RAD51: variants seen among roughly 807,000 people sequenced by gnomAD.
RAD51 encodes DNA repair protein RAD51 homolog 1.
In RAD51, 14 loss-of-function variants were observed where a neutral mutation model predicts 41.5. The ratio of observed to expected loss-of-function variants is 0.34; its 90% CI spans 0.22 to 0.53. The LOEUF (loss-of-function observed/expected upper bound fraction) is 0.53, where lower values mean the gene tolerates loss of function less well. Ranked by LOEUF, RAD51 falls within the 20% of genes least tolerant of loss-of-function variation. The pLI, the probability that RAD51 is intolerant of heterozygous loss-of-function variation, is 0.95. For synonymous variants in RAD51, 136 were observed against 148.6 expected, an observed-to-expected ratio of 0.92 and a Z score of 0.62; for missense variants, 234 against 422.0, an observed-to-expected ratio of 0.55 and a Z score of 3.90.
chr15:40,730,072 CT>C, intron 9 of RAD51, 98 bp downstream of exon 9: 10 of 1,489,764 alleles, frequency 6.7e-6, no homozygotes, highest in Non-Finnish European at 9.2e-6. Flanking sequence ...GTTAAAGCTA[CT>C]GTTGTATAGA....
intron 5 of RAD51, among the ~76,000 whole-genome samples, chr15:40,714,895 C>T (rs1895909207): frequency 6.6e-6 from 1 of 152,146 alleles, no homozygotes; most frequent in East Asian, 1.9e-4. Flanking sequence ...AATTCTGGGC[C>T]GGGTATGGTG....
chr15:40,713,994 C>CTTT (rs749995356), intron 5 of RAD51, among the ~76,000 whole-genome samples: 7 of 114,936 alleles, frequency 6.1e-5, no homozygotes, highest in East Asian at 2.8e-4. Flanking sequence ...GAAATAAATT[C>CTTT]TTTTTTTTTT....
At chr15:40,729,468 C>A in intron 7 of RAD51, 37 bp from the exon 8 acceptor site, 1 of 1,604,262 alleles carries the variant, frequency 6.2e-7, no homozygotes, top group Non-Finnish European at 8.5e-7. Context: ...CTGACACAGG[C>A]TAGAAATAGG....
intron 6 of RAD51, 78 bp from the exon 7 acceptor site, chr15:40,728,633 A>T: frequency 1.8e-6 from 2 of 1,117,796 alleles, no homozygotes; most frequent in Non-Finnish European, 2.7e-6. Context: ...CTATTCAGGT[A>T]ATTTAAGTGT....
intron 6 of RAD51, among the ~76,000 whole-genome samples, chr15:40,726,987 G>A (rs1244203235): frequency 1.3e-5 from 2 of 151,748 alleles, no homozygotes; most frequent in African/African-American, 4.8e-5. Context: ...TCCTGCTTCT[G>A]GAGCCTAAGC....
Position 40,731,340 on chromosome 15 carries a change from G to T in RAD51, c.*162G>T, listed in dbSNP as rs1441865216. 2 of 868,780 alleles carry T rather than the reference G, an allele frequency of 2.3e-6. No individual in the cohort carries two copies. Among genetic ancestry groups the T allele is most frequent in the Non-Finnish European group, 3.6e-6 (2 of 548,710 alleles). The allele number at this position is 868,780 out of a possible 1,614,324, so 53.8% of individuals were successfully genotyped here. On this transcript the variant is annotated 3_prime_UTR_variant, in exon 10 of 10. Transcript: ENST00000267868. ...AGCTTTTCTGATGGTATAAACAGGA[G>T]ACAGGTCAGTAGTCACAAACTGATC...
chr15:40,729,811 T>C (rs1455366078), intron 8 of RAD51, 42 bp from the exon 9 acceptor site: 1 of 1,613,924 alleles, frequency 6.2e-7, no homozygotes, highest in Non-Finnish European at 8.5e-7. Context: ...GCTTTTGGAG[T>C]GTCTATGGCC....
chr15:40,724,447 C>T (rs1395042147), intron 6 of RAD51, among the ~76,000 whole-genome samples: 1 of 152,022 alleles, frequency 6.6e-6, no homozygotes, highest in Non-Finnish European at 1.5e-5. Context: ...ATTGGATGCC[C>T]AAGCAGTAGA....
At chr15:40,707,028 T>A (rs753845520) in intron 4 of RAD51, among the ~76,000 whole-genome samples, 15 of 152,038 alleles carry the variant, frequency 9.9e-5, no homozygotes, top group Non-Finnish European at 1.9e-4. Context: ...TCTCACTCTG[T>A]CACCCAGGCT....
intron 9 of RAD51, 54 bp downstream of exon 9, chr15:40,730,028 AG>A (rs752818132): frequency 1.1e-5 from 18 of 1,596,632 alleles, no homozygotes; most frequent in Admixed American, 1.7e-5. Flanking sequence ...TTAACTGTGA[AG>A]ACATGAAGAT....
chr15:40,717,195 G>A (rs561261982), intron 5 of RAD51, among the ~76,000 whole-genome samples: 16 of 152,038 alleles, frequency 1.1e-4, no homozygotes, highest in African/African-American at 3.6e-4. Flanking sequence ...AAAATTAGCC[G>A]GGCGTGGTGG....
chr15:40,730,023 T>A, intron 9 of RAD51, 49 bp downstream of exon 9: 1 of 1,600,172 alleles, frequency 6.2e-7, no homozygotes, highest in South Asian at 1.1e-5. Context: ...TCATATTAAC[T>A]GTGAAGACAT....
At position 40,731,242 on chromosome 15, in the gene RAD51, C is replaced by T. The variant is rs1161891228; in HGVS notation, c.*64C>T. ...GCAGCCTAATGAGAGTGCACTGCTC[C>T]CTGGGGTTCTCTACAGGCCTCTTCC... On this transcript the variant is annotated 3_prime_UTR_variant, in exon 10 of 10. Coordinates refer to ENST00000267868, the MANE Select transcript of RAD51 (RefSeq NM_002875.5). 2.2e-5 allele frequency: 35 copies of T among 1,605,796 alleles called. 1 individual carries two copies. The East Asian group carries it at 7.4e-4, about 34-fold the overall frequency.
intron 4 of RAD51, among the ~76,000 whole-genome samples, chr15:40,708,755 G>A (rs1195661472): frequency 6.6e-6 from 1 of 151,606 alleles, no homozygotes; most frequent in Admixed American, 6.6e-5. Context: ...GCTAATTTTT[G>A]TAGAGACAGG....
intron 3 of RAD51, 104 bp downstream of exon 3, chr15:40,701,305 A>C: frequency 6.6e-5 from 85 of 1,283,186 alleles, no homozygotes; most frequent in Non-Finnish European, 8.0e-5. Flanking sequence ...CGGTCATCTC[A>C]TTATCCTTTC....
rs1896874480 is a variant in RAD51 at position 40,731,511 on chromosome 15, A to C, written c.*333A>C. 4 of 387,726 alleles carry C rather than the reference A, an allele frequency of 1.0e-5. No individual in the cohort carries two copies. The highest frequency in any genetic ancestry group is 1.9e-5 in the Non-Finnish European group (4 of 208,976). The allele number at this position is 387,726 out of a possible 1,614,324, so 24.0% of individuals were successfully genotyped here. A position where few individuals can be genotyped will look rare whatever the true frequency, so the allele number is the denominator to read the frequency against. On this transcript the variant is annotated 3_prime_UTR_variant, in exon 10 of 10. Transcript: ENST00000267868. The stretch of plus-strand genomic sequence containing the variant: ...TACTGGACAATCTTATGTTTCCAAG[A>C]GAACTAAAGCTGGAGAGACCTGACC...
In RAD51 at chr15:40,723,785, A is replaced by G. The variant is rs45528631; in HGVS notation, c.530+4886A>G. ...CACTAAAGCTCTCAATGAATTTTATACTTACAGCAGGTCATTTTTGAGGTA... is the reference window on the plus strand; with the variant it reads ...CACTAAAGCTCTCAATGAATTTTATGCTTACAGCAGGTCATTTTTGAGGTA... On this transcript the variant is annotated intron_variant, in intron 6 of 9. Coordinates refer to ENST00000267868, the MANE Select transcript of RAD51 (RefSeq NM_002875.5). 2.0e-4 allele frequency among the ~76,000 whole-genome samples: 30 copies of G among 152,326 alleles called. 1 individual carries two copies. The highest frequency in any genetic ancestry group is 7.0e-4 in the African/African-American group (29 of 41,574).
chr15:40,724,165 A>G (rs756341386), intron 6 of RAD51, among the ~76,000 whole-genome samples: 11 of 152,212 alleles, frequency 7.2e-5, no homozygotes, highest in Non-Finnish European at 1.3e-4. Context: ...CTCTGCCTAC[A>G]AAATTCCTAT....
intron 2 of RAD51, among the ~76,000 whole-genome samples, chr15:40,700,359 T>C (rs112947158): frequency 4.7e-4 from 71 of 152,382 alleles, no homozygotes; most frequent in Non-Finnish European, 7.1e-4. Context: ...CAGAGCTTTC[T>C]GGTCATTGTT....
Sources: gnomAD v4.1 joint callset for allele counts (sites outside exome capture counted in the v4.1 genomes callset) on GRCh38, gnomAD v4.1.1 for gene constraint, MANE v1.5 for transcripts, NCBI Gene and HGNC (gene_info 2026-07-23, HGNC 2026-07-21) for gene names.